The following CADM2 variants were observed in gnomAD, a reference collection of about 807,000 sequenced individuals.
The protein encoded by CADM2 is immunoglobulin superfamily member 4D.
CADM2 carries 12 observed loss-of-function variants against 49.8 expected under a neutral mutation model. The observed-to-expected ratio is 0.24, with a 90% confidence interval of 0.15 to 0.39. The LOEUF (loss-of-function observed/expected upper bound fraction) is 0.39, where lower values mean the gene tolerates loss of function less well. Among genes scored for constraint, CADM2 ranks in the 10% least tolerant of loss-of-function variants. The pLI is 1.00. For synonymous variants in CADM2, 214 were observed against 175.4 expected (o/e 1.22, Z -1.74); for missense variants, 378 against 492.3 (o/e 0.77, Z 2.20).
At position 85,755,186 on chromosome 3, in the gene CADM2, AC is replaced by A. The variant is rs2069053196; in HGVS notation, c.88+28641del. Among the ~76,000 whole-genome samples the A allele has an allele frequency of 2.0e-5, 3 of 152,288 alleles. No individual in the cohort carries two copies. In the South Asian group the frequency reaches 6.2e-4, roughly 32 times the overall value. On this transcript the variant is annotated intron_variant, in intron 2 of 9. Transcript: ENST00000383699. ...GCCAAAGTTATGGTATCCTCAAGTT[AC>A]CCATACTTGACCTGGCTGACCCAAA...
intron 1 of CADM2, among the ~76,000 whole-genome samples, chr3:85,409,488 C>T (rs1030967677): frequency 2.6e-5 from 4 of 152,056 alleles, no homozygotes; most frequent in Admixed American, 6.6e-5. Flanking sequence ...GAGATATGGT[C>T]AGGGGCCATG....
At chr3:85,801,964 G>A (rs2072070852) in intron 2 of CADM2, 83 bp from the exon 3 acceptor site, 2 of 1,100,776 alleles carry the variant, frequency 1.8e-6, no homozygotes, top group South Asian at 1.9e-5. Flanking sequence ...TTTTGCATGA[G>A]AAGTTAAGGC....
intron 8 of CADM2, among the ~76,000 whole-genome samples, chr3:85,973,817 G>A (rs1457267721): frequency 6.6e-6 from 1 of 151,722 alleles, no homozygotes; most frequent in African/African-American, 2.4e-5. Context: ...TGGTCATGGG[G>A]ATTTGGGTGG....
At chr3:85,622,101 T>C (rs962956107) in intron 1 of CADM2, among the ~76,000 whole-genome samples, 1 of 152,210 alleles carries the variant, frequency 6.6e-6, no homozygotes. Flanking sequence ...CTATTTTCAT[T>C]AGGTTACATA....
At chr3:85,808,841 A>G (rs949633829) in intron 3 of CADM2, among the ~76,000 whole-genome samples, 3 of 152,172 alleles carry the variant, frequency 2.0e-5, no homozygotes, top group Non-Finnish European at 4.4e-5. Flanking sequence ...AATACTGGGA[A>G]CAATGGAAGA....
chr3:85,206,302 T>G (rs566944822), intron 1 of CADM2, among the ~76,000 whole-genome samples: 2 of 150,860 alleles, frequency 1.3e-5, no homozygotes, highest in East Asian at 3.9e-4. Context: ...GTCTTTTTTT[T>G]TTTCTTTTCT....
intron 1 of CADM2, among the ~76,000 whole-genome samples, chr3:85,568,115 C>T (rs927281218): frequency 2.0e-5 from 3 of 152,180 alleles, no homozygotes; most frequent in Non-Finnish European, 2.9e-5. Flanking sequence ...TACCAGCTAT[C>T]TATGTATCCC....
intron 5 of CADM2, among the ~76,000 whole-genome samples, chr3:85,909,912 A>T (rs1717331651): frequency 6.6e-6 from 1 of 152,196 alleles, no homozygotes; most frequent in African/African-American, 2.4e-5. Flanking sequence ...TCAGCCTAAA[A>T]TATGAGAAAA....
At chr3:85,465,906 G>T (rs538563991) in intron 1 of CADM2, among the ~76,000 whole-genome samples, 1 of 152,220 alleles carries the variant, frequency 6.6e-6, no homozygotes, top group East Asian at 1.9e-4. Flanking sequence ...ATGGAAAATA[G>T]GATCTTTTCT....
At chr3:85,749,196 G>T (rs1051030225) in intron 2 of CADM2, among the ~76,000 whole-genome samples, 2 of 151,580 alleles carry the variant, frequency 1.3e-5, no homozygotes, top group Middle Eastern at 3.4e-3. Flanking sequence ...ACAAACAATG[G>T]CAAGAACAAC....
chr3:85,233,399 G>T (rs1447510437), intron 1 of CADM2, among the ~76,000 whole-genome samples: 1 of 151,962 alleles, frequency 6.6e-6, no homozygotes, highest in Non-Finnish European at 1.5e-5. Flanking sequence ...TAATAATATT[G>T]TACCAACATT....
At chr3:85,141,693 A>G (rs1296178543) in intron 1 of CADM2, among the ~76,000 whole-genome samples, 2 of 152,216 alleles carry the variant, frequency 1.3e-5, no homozygotes, top group Non-Finnish European at 2.9e-5. Flanking sequence ...ATATATGTTA[A>G]TGGAAATAGT....
intron 2 of CADM2, among the ~76,000 whole-genome samples, chr3:85,743,682 C>T (rs2068488835): frequency 2.6e-5 from 4 of 152,108 alleles, no homozygotes; most frequent in Admixed American, 2.6e-4. Flanking sequence ...AACCTGTCCT[C>T]ACAAATCCAG....
intron 1 of CADM2, among the ~76,000 whole-genome samples, chr3:85,161,011 C>T (rs1456195380): frequency 2.0e-5 from 3 of 152,116 alleles, no homozygotes; most frequent in African/African-American, 7.2e-5. Flanking sequence ...GGATACTCAT[C>T]TTGGTAAAGC....
rs143698090 is a variant in CADM2 at position 85,435,802 on chromosome 3, G to A, written c.62-290720G>A. ...GCTTTTTTCCATATGTTTTTTGGCC[G>A]CATAAATGTCTTCTTTTGAGAAGTG... On this transcript the variant is annotated intron_variant, in intron 1 of 9. Coordinates refer to ENST00000383699, the MANE Select transcript of CADM2 (RefSeq NM_001167675.2). Among the ~76,000 whole-genome samples, 348 of 152,102 alleles carry A rather than the reference G, an allele frequency of 2.3e-3. 2 individuals are homozygous for A. The highest frequency in any genetic ancestry group is 8.1e-3 in the African/African-American group (335 of 41,520).
intron 1 of CADM2, among the ~76,000 whole-genome samples, chr3:85,348,361 T>A (rs1336277112): frequency 3.3e-5 from 5 of 152,138 alleles, no homozygotes; most frequent in South Asian, 2.1e-4. Flanking sequence ...GTTAATCTTA[T>A]CCCAAAACGC....
intron 1 of CADM2, among the ~76,000 whole-genome samples, chr3:85,254,991 T>C (rs1428852590): frequency 6.6e-6 from 1 of 152,148 alleles, no homozygotes; most frequent in Non-Finnish European, 1.5e-5. Flanking sequence ...GAAGTCATTT[T>C]TTTCATATCC....
chr3:85,118,614 G>A (rs6775464), intron 1 of CADM2, among the ~76,000 whole-genome samples: 5 of 152,028 alleles, frequency 3.3e-5, no homozygotes, highest in African/African-American at 4.8e-5. Context: ...CCCACTGGGT[G>A]CTTCCCACAA....
At chr3:85,451,960 T>A (rs2037766575) in intron 1 of CADM2, among the ~76,000 whole-genome samples, 1 of 152,066 alleles carries the variant, frequency 6.6e-6, no homozygotes, top group African/African-American at 2.4e-5. Context: ...GCTAAATGCT[T>A]CACTAGTTCA....
Sources: gnomAD v4.1 joint callset for allele counts (sites outside exome capture counted in the v4.1 genomes callset) on GRCh38, gnomAD v4.1.1 for gene constraint, MANE v1.5 for transcripts, NCBI Gene and HGNC (gene_info 2026-07-23, HGNC 2026-07-21) for gene names.